Variants in RNF216 observed in about 807,000 individuals in gnomAD.
The protein encoded by RNF216 is E3 ubiquitin-protein ligase RNF216.
In RNF216, 72 loss-of-function variants were observed where a neutral mutation model predicts 110.8. The ratio of observed to expected loss-of-function variants is 0.65; its 90% CI spans 0.54 to 0.79. RNF216 has a LOEUF of 0.79. Among genes scored for constraint, RNF216 ranks in the 30% least tolerant of loss-of-function variants. RNF216 has a pLI of 0.00. For synonymous variants in RNF216, 495 were observed against 407.5 expected (o/e 1.21, Z -2.59); for missense variants, 1,342 against 1,141.2 (o/e 1.18, Z -2.54).
At chr7:5,767,819 G>C (rs1228589806) in intron 1 of RNF216, among the ~76,000 whole-genome samples, 3 of 151,992 alleles carry the variant, frequency 2.0e-5, no homozygotes, top group Non-Finnish European at 4.4e-5. Context: ...GGGTGGTCTC[G>C]AATTCCTGAC....
In RNF216 at chr7:5,657,974, G is replaced by A. The variant is rs189940150; in HGVS notation, c.2062-5464C>T. On this transcript the variant is annotated intron_variant, in intron 13 of 16. Coordinates refer to ENST00000389902, the MANE Select transcript of RNF216 (RefSeq NM_207111.4). ...AAGGCTTGGTCCTTGCCCTCAAGGAGTGCACTCTACTGAGAGAGTTACATA... is the reference window on the plus strand; with the variant it reads ...AAGGCTTGGTCCTTGCCCTCAAGGAATGCACTCTACTGAGAGAGTTACATA... Among the ~76,000 whole-genome samples the A allele has an allele frequency of 1.1e-4, 17 of 152,352 alleles. No individual in the cohort carries two copies. In the East Asian group the frequency reaches 3.1e-3, roughly 28 times the overall value.
intron 10 of RNF216, among the ~76,000 whole-genome samples, chr7:5,716,111 C>T (rs2128632564): frequency 6.6e-6 from 1 of 152,248 alleles, no homozygotes; most frequent in East Asian, 1.9e-4. Flanking sequence ...AGGTTAGTCT[C>T]AAACTCCTGG....
intron 14 of RNF216, among the ~76,000 whole-genome samples, chr7:5,648,620 C>T (rs1380831156): frequency 1.3e-5 from 2 of 150,612 alleles, no homozygotes; most frequent in South Asian, 2.1e-4. Context: ...CCCAGCTACT[C>T]GGGAGGCTGA....
chr7:5,758,334 T>A (rs1795755362), intron 2 of RNF216, among the ~76,000 whole-genome samples: 1 of 152,202 alleles, frequency 6.6e-6, no homozygotes, highest in African/African-American at 2.4e-5. Flanking sequence ...ATCCTAAAAA[T>A]GAGTCCTCCT....
rs1793387628 is a variant in RNF216, at chr7:5,721,039, C to T, written c.1638G>A (p.Met546Ile). 6.2e-7 allele frequency: 1 copy of T among 1,614,178 alleles called. No homozygotes were observed. Among genetic ancestry groups the T allele is most frequent in the East Asian group, 2.2e-5 (1 of 44,888 alleles). The stretch of plus-strand genomic sequence containing the variant: ...CCAGAGCACATCTTCCTACCTCTGC[C>T]ATCTCTTTGATTTTCTGCTCATAGA... ...QEFYEQKIKE[M>I]AEHEDFLLAL... Residue 546 changes from methionine to isoleucine, a missense_variant, in exon 9 of 17, where the codon ATG becomes ATA. Met to Ile is a conservative substitution (Grantham distance 10). Coordinates refer to ENST00000389902, the MANE Select transcript of RNF216 (RefSeq NM_207111.4).
intron 14 of RNF216, among the ~76,000 whole-genome samples, chr7:5,642,873 G>C (rs1313742758): frequency 6.6e-6 from 1 of 152,222 alleles, no homozygotes; most frequent in Non-Finnish European, 1.5e-5. Flanking sequence ...CTCTGTAAGA[G>C]CACCCTGAGG....
At chr7:5,748,411 C>G (rs893631078) in intron 3 of RNF216, among the ~76,000 whole-genome samples, 1 of 152,106 alleles carries the variant, frequency 6.6e-6, no homozygotes, top group Non-Finnish European at 1.5e-5. Context: ...AGGTGCTCAC[C>G]ACCATGCCCA....
Position 5,680,095 on chromosome 7 carries a change from G to C in RNF216, c.2062-27585C>G, listed in dbSNP as rs1790553546. Among the ~76,000 whole-genome samples the C allele has an allele frequency of 6.6e-6, 1 of 152,136 alleles. No homozygotes were observed. Among genetic ancestry groups the C allele is most frequent in the African/African-American group, 2.4e-5 (1 of 41,414 alleles). ...ATGGATAGACTTCCTGCTGCAATCA[G>C]GAAGAAGTCCACGTTCTTCACACAA... is the stretch of plus-strand genomic sequence containing the variant. On this transcript the variant is annotated intron_variant, in intron 13 of 16. Coordinates refer to ENST00000389902, the MANE Select transcript of RNF216 (RefSeq NM_207111.4). This position sits in a 1 kb window ranked among gnomAD's most constrained non-coding sequence, Gnocchi z 4.3.
intron 13 of RNF216, among the ~76,000 whole-genome samples, chr7:5,661,436 G>C (rs1053814497): frequency 6.6e-6 from 1 of 152,204 alleles, no homozygotes; most frequent in Non-Finnish European, 1.5e-5. Flanking sequence ...TTCACAAAGG[G>C]TGCTTTGCAT....
rs1018938105 is a variant in RNF216, at chr7:5,690,551, A to G, written c.2061+21210T>C. On this transcript the variant is annotated intron_variant, in intron 13 of 16. Coordinates refer to ENST00000389902, the MANE Select transcript of RNF216 (RefSeq NM_207111.4). ...GACCAGGGGAGGAGGCGCCACCTTC[A>G]CCTCCCCTAGAAACTTCAGCAGCTC... Among the ~76,000 whole-genome samples the G allele has an allele frequency of 1.6e-4, 25 of 151,752 alleles. 1 individual carries two copies. The highest frequency in any genetic ancestry group is 2.9e-5 in the Non-Finnish European group (2 of 67,958).
At chr7:5,693,064 A>G (rs1245783289) in intron 13 of RNF216, among the ~76,000 whole-genome samples, 3 of 152,236 alleles carry the variant, frequency 2.0e-5, no homozygotes, top group Admixed American at 6.5e-5. Context: ...AGACAGCTCC[A>G]TATTTGCACA....
At chr7:5,681,188 C>A (rs1790629190) in intron 13 of RNF216, among the ~76,000 whole-genome samples, 3 of 152,154 alleles carry the variant, frequency 2.0e-5, no homozygotes, top group Admixed American at 2.0e-4. Context: ...TGAAGAGCCA[C>A]CTGGGCCTTT....
At chr7:5,726,736 G>T (rs1447335414) in intron 7 of RNF216, among the ~76,000 whole-genome samples, 1 of 151,938 alleles carries the variant, frequency 6.6e-6, no homozygotes, top group East Asian at 1.9e-4. Flanking sequence ...GCAAGCGCCT[G>T]TAATCCCAGC....
At chr7:5,668,752 T>C (rs529469744) in intron 13 of RNF216, among the ~76,000 whole-genome samples, 18 of 152,218 alleles carry the variant, frequency 1.2e-4, no homozygotes, top group Non-Finnish European at 2.2e-4. Flanking sequence ...TGTTAGGAAG[T>C]AGCCGGGGTC....
chr7:5,689,138 C>A (rs1364785472), intron 13 of RNF216, among the ~76,000 whole-genome samples: 1 of 151,790 alleles, frequency 6.6e-6, no homozygotes, highest in Non-Finnish European at 1.5e-5. Flanking sequence ...ATATGCAGAA[C>A]CAAAAGCACA....
rs976868737 is a variant in RNF216, at chr7:5,680,803, C to A, written c.2062-28293G>T. ...TCCCCTGTATCCCTGAAGGACACAG[C>A]CACCCACTGGCTGCTCATGCAACAA... On this transcript the variant is annotated intron_variant, in intron 13 of 16. Coordinates refer to ENST00000389902, the MANE Select transcript of RNF216 (RefSeq NM_207111.4). The surrounding 1 kb of genome is among the most constrained non-coding windows in gnomAD (Gnocchi z 4.3). Among the ~76,000 whole-genome samples, 7 of 152,166 alleles carry A rather than the reference C, an allele frequency of 4.6e-5. No homozygotes were observed. Among genetic ancestry groups the A allele is most frequent in the African/African-American group, 1.7e-4 (7 of 41,434 alleles).
chr7:5,687,409 A>AAAAG (rs1554251841), intron 13 of RNF216, among the ~76,000 whole-genome samples: 1,868 of 149,656 alleles, frequency 0.012, 15 homozygotes, highest in Non-Finnish European at 0.022. Flanking sequence ...AAAAAAAAAA[A>AAAAG]AAAAAGAAAA....
intron 1 of RNF216, among the ~76,000 whole-genome samples, chr7:5,765,713 C>G (rs1414951076): frequency 6.7e-6 from 1 of 149,722 alleles, no homozygotes; most frequent in Non-Finnish European, 1.5e-5. Context: ...GCGGCTGAGG[C>G]GGGCAGACTG....
At chr7:5,713,677 A>G (rs1481231963) in intron 11 of RNF216, among the ~76,000 whole-genome samples, 1 of 152,226 alleles carries the variant, frequency 6.6e-6, no homozygotes. Flanking sequence ...GCTCTTTAAC[A>G]TGAACAAAAA....
Sources: allele counts gnomAD v4.1 joint callset (sites outside exome capture counted in the v4.1 genomes callset), GRCh38; gene constraint gnomAD v4.1.1; non-coding constraint Gnocchi (gnomAD v3.1); transcripts MANE v1.5; gene names NCBI Gene and HGNC (gene_info 2026-07-23, HGNC 2026-07-21).